IL1RAPL1: variants seen among roughly 807,000 people sequenced by gnomAD.
The protein encoded by IL1RAPL1 is interleukin-1 receptor accessory protein-like 1.
IL1RAPL1 carries 3 observed loss-of-function variants against 48.4 expected under a neutral mutation model. That is an observed-to-expected ratio of 0.06 (90% CI 0.03 to 0.16). IL1RAPL1 has a LOEUF of 0.16. Among genes scored for constraint, IL1RAPL1 ranks in the 10% least tolerant of loss-of-function variants. The probability of loss-of-function intolerance (pLI) is 1.00; values close to 1 mark genes in which losing one functional copy is unlikely to be tolerated. For missense variants in IL1RAPL1, 349 were observed against 530.6 expected (o/e 0.66, Z 3.36); for synonymous variants, 185 against 187.7 (o/e 0.99, Z 0.12).
At chrX:29,427,547 T>C (rs1449603384) in intron 5 of IL1RAPL1, among the ~76,000 whole-genome samples, 1 of 111,386 alleles carries the variant, frequency 9.0e-6, no homozygotes, top group Non-Finnish European at 1.9e-5. Flanking sequence ...AATCAAACCA[T>C]AGGGATGTTG....
intron 8 of IL1RAPL1, among the ~76,000 whole-genome samples, chrX:29,940,553 G>C (rs1933110274): frequency 8.9e-6 from 1 of 112,071 alleles, no homozygotes; most frequent in Admixed American, 9.4e-5. Context: ...GTCAACTGCA[G>C]GGAACAATGG....
intron 1 of IL1RAPL1, among the ~76,000 whole-genome samples, chrX:28,660,086 GGTGTGTGTGTGTGTGTGT>G (rs60600833): frequency 0.16 from 12,037 of 76,309 alleles, 685 homozygotes; most frequent in Middle Eastern, 0.18. Context: ...GAGTGAGGAT[GGTGTGTGTGTGTGTGTGT>G]GTGTGTGTGT....
intron 8 of IL1RAPL1, among the ~76,000 whole-genome samples, chrX:29,933,850 G>A (rs763957375): frequency 2.7e-5 from 3 of 110,756 alleles, no homozygotes; most frequent in Non-Finnish European, 5.7e-5. Context: ...GACTTGGAAC[G>A]AGTGGTCAGT....
chrX:29,277,637 C>T (rs1932140006), intron 2 of IL1RAPL1, among the ~76,000 whole-genome samples: 2 of 111,830 alleles, frequency 1.8e-5, no homozygotes, highest in Admixed American at 9.5e-5. Context: ...AAGTGAGAGT[C>T]GCTCTCCCTA....
chrX:29,259,089 A>G (rs1931806422), intron 2 of IL1RAPL1, among the ~76,000 whole-genome samples: 1 of 111,505 alleles, frequency 9.0e-6, no homozygotes, highest in African/African-American at 3.3e-5. Flanking sequence ...CTCTAGGCTC[A>G]GACTTCGATG....
At chrX:28,962,340 A>T (rs1334615900) in intron 2 of IL1RAPL1, among the ~76,000 whole-genome samples, 1 of 111,827 alleles carries the variant, frequency 8.9e-6, no homozygotes, top group East Asian at 2.8e-4. Context: ...TTAAAATTCA[A>T]ACTACCTCTT....
chrX:29,658,008 T>C (rs6526913), intron 5 of IL1RAPL1, among the ~76,000 whole-genome samples: 28,684 of 110,855 alleles, frequency 0.26, 4,749 homozygotes, highest in African/African-American at 0.61. Flanking sequence ...GCATTAACTA[T>C]ACACAAATTT....
intron 5 of IL1RAPL1, among the ~76,000 whole-genome samples, chrX:29,604,922 C>T (rs1052316097): frequency 9.0e-6 from 1 of 110,875 alleles, no homozygotes; most frequent in African/African-American, 3.3e-5. Flanking sequence ...GCTGACCCTT[C>T]TCCACACCCA....
At chrX:28,688,298 T>A (rs1227138725) in intron 1 of IL1RAPL1, among the ~76,000 whole-genome samples, 1 of 109,120 alleles carries the variant, frequency 9.2e-6, no homozygotes, top group East Asian at 2.9e-4. Context: ...GTCCTCCACT[T>A]GGGAGGCTCA....
At chrX:28,727,873 G>C (rs1022875398) in intron 1 of IL1RAPL1, among the ~76,000 whole-genome samples, 1 of 108,052 alleles carries the variant, frequency 9.3e-6, no homozygotes, top group Non-Finnish European at 1.9e-5. Flanking sequence ...TGAACAATGA[G>C]ATCACATGGA....
intron 1 of IL1RAPL1, among the ~76,000 whole-genome samples, chrX:28,754,064 T>A (rs1263917371): frequency 9.3e-6 from 1 of 107,548 alleles, no homozygotes; most frequent in African/African-American, 3.4e-5. Flanking sequence ...TATTTTTTTT[T>A]AATCTTGTAA....
intron 2 of IL1RAPL1, chrX:28,941,949 T>TAGA (rs1291726037): frequency 1.8e-5 from 2 of 109,264 alleles, no homozygotes; most frequent in East Asian, 5.7e-4. Context: ...AAGATAATAC[T>TAGA]TGAGTCTGCT....
intron 5 of IL1RAPL1, among the ~76,000 whole-genome samples, chrX:29,632,867 T>C (rs1309105517): frequency 2.7e-5 from 3 of 112,152 alleles, no homozygotes; most frequent in Admixed American, 9.5e-5. Context: ...TGCTACATGA[T>C]ACCCATTCTT....
At chrX:29,672,619 A>G (rs1392935462) in intron 6 of IL1RAPL1, among the ~76,000 whole-genome samples, 1 of 111,776 alleles carries the variant, frequency 8.9e-6, no homozygotes, top group Admixed American at 9.6e-5. Context: ...ATGCTCAGCT[A>G]GGACCTTCCT....
intron 1 of IL1RAPL1, among the ~76,000 whole-genome samples, chrX:28,669,219 T>G (rs756243357): frequency 9.0e-6 from 1 of 111,690 alleles, no homozygotes; most frequent in South Asian, 3.8e-4. Flanking sequence ...TAAGATGAAC[T>G]GGACCAGAAA....
intron 3 of IL1RAPL1, among the ~76,000 whole-genome samples, chrX:29,311,956 A>G (rs1409335574): frequency 8.9e-6 from 1 of 112,139 alleles, no homozygotes; most frequent in African/African-American, 3.2e-5. Context: ...ATTGAGATAC[A>G]GTTTTGTTCA....
At chrX:29,890,415 A>T (rs1360271065) in intron 6 of IL1RAPL1, among the ~76,000 whole-genome samples, 2 of 112,022 alleles carry the variant, frequency 1.8e-5, no homozygotes, top group African/African-American at 6.5e-5. Flanking sequence ...GCCAGGCTGC[A>T]GTGGTTGGGG....
intron 5 of IL1RAPL1, among the ~76,000 whole-genome samples, chrX:29,467,107 A>G (rs1269640715): frequency 1.8e-5 from 2 of 111,980 alleles, no homozygotes; most frequent in Non-Finnish European, 3.8e-5. Context: ...CTCAAACATT[A>G]CTAATACTAA....
At chrX:29,192,382 G>A (rs1345372192) in intron 2 of IL1RAPL1, among the ~76,000 whole-genome samples, 1 of 111,770 alleles carries the variant, frequency 8.9e-6, no homozygotes, top group Admixed American at 9.6e-5. Context: ...GTGCATTTTG[G>A]TGGCCCCAAA....
Sources: allele counts gnomAD v4.1 joint callset (sites outside exome capture counted in the v4.1 genomes callset), GRCh38; gene constraint gnomAD v4.1.1; transcripts MANE v1.5; gene names NCBI Gene and HGNC (gene_info 2026-07-23, HGNC 2026-07-21).